The following DLGAP2 variants were observed in gnomAD, a reference collection of about 807,000 sequenced individuals.
DLGAP2 encodes the protein disks large-associated protein 2.
Under a neutral mutation model 100.3 loss-of-function variants are expected in DLGAP2, and 26 were observed. That is an observed-to-expected ratio of 0.26 (90% CI 0.19 to 0.36). The LOEUF (loss-of-function observed/expected upper bound fraction) is 0.36, where lower values mean the gene tolerates loss of function less well. Among genes scored for constraint, DLGAP2 ranks in the 10% least tolerant of loss-of-function variants. DLGAP2 has a pLI of 1.00. For synonymous variants in DLGAP2, 886 were observed against 630.1 expected (o/e 1.41, Z -6.08); for missense variants, 1,858 against 1,453.2 (o/e 1.28, Z -4.53).
At chr8:900,620 C>T (rs374210088) in intron 1 of DLGAP2, among the ~76,000 whole-genome samples, 15 of 152,188 alleles carry the variant, frequency 9.9e-5, no homozygotes, top group African/African-American at 3.6e-4. Context: ...GGCTCCTGCC[C>T]CATCCCATGT....
intron 2 of DLGAP2, among the ~76,000 whole-genome samples, chr8:1,198,761 C>A (rs1302860086): frequency 1.3e-5 from 2 of 152,248 alleles, no homozygotes; most frequent in African/African-American, 4.8e-5. Context: ...CAAGACCACA[C>A]CTGAACGATG....
chr8:804,013 G>A (rs1270307678), intron 1 of DLGAP2, among the ~76,000 whole-genome samples: 2 of 152,124 alleles, frequency 1.3e-5, no homozygotes, highest in African/African-American at 4.8e-5. Context: ...GGGTTGGCGG[G>A]GGGTGTGGAT....
chr8:1,194,976 C>A (rs539512010), intron 2 of DLGAP2, among the ~76,000 whole-genome samples: 1 of 152,158 alleles, frequency 6.6e-6, no homozygotes, highest in African/African-American at 2.4e-5. Flanking sequence ...GGCTGCACCC[C>A]CTCCGCTCTC....
chr8:1,042,505 G>A (rs1040642791), intron 2 of DLGAP2, among the ~76,000 whole-genome samples: 10 of 152,202 alleles, frequency 6.6e-5, no homozygotes, highest in Non-Finnish European at 1.0e-4. Flanking sequence ...TGAGATGTGT[G>A]TGGAAAATGG....
In DLGAP2 at chr8:1,672,278, G is replaced by T. The variant is rs71518084; in HGVS notation, c.2202+2494G>T. On this transcript the variant is annotated intron_variant, in intron 10 of 14. Transcript: ENST00000637795. ...GTCTCACTCTGTTGCCCAGGCTGAA[G>T]TGCGTGGCACGATCTCAGGTCACTG... is the stretch of plus-strand genomic sequence containing the variant. Among the ~76,000 whole-genome samples, 761 of 147,194 alleles carry T rather than the reference G, an allele frequency of 5.2e-3. 4 individuals are homozygous for T. The highest frequency in any genetic ancestry group is 8.8e-3 in the Non-Finnish European group (596 of 67,468).
chr8:1,174,805 A>G (rs1045981261), intron 2 of DLGAP2, among the ~76,000 whole-genome samples: 1 of 152,130 alleles, frequency 6.6e-6, no homozygotes, highest in Non-Finnish European at 1.5e-5. Context: ...CACTACCTCC[A>G]TCATTACCAT....
intron 1 of DLGAP2, among the ~76,000 whole-genome samples, chr8:801,902 G>A (rs1472657317): frequency 8.2e-6 from 1 of 121,562 alleles, no homozygotes; most frequent in African/African-American, 2.9e-5. Flanking sequence ...CAAGCTCACT[G>A]TCATAGTGTA....
At chr8:1,210,720 C>T (rs1394474123) in intron 2 of DLGAP2, among the ~76,000 whole-genome samples, 1 of 151,918 alleles carries the variant, frequency 6.6e-6, no homozygotes, top group Non-Finnish European at 1.5e-5. Flanking sequence ...CATAACTGAC[C>T]CCCCACCCCC....
intron 3 of DLGAP2, among the ~76,000 whole-genome samples, chr8:1,456,100 C>A (rs1180443124): frequency 1.3e-5 from 2 of 152,200 alleles, no homozygotes; most frequent in African/African-American, 4.8e-5. Flanking sequence ...TTCGATGGAT[C>A]AAAGCTTGAC....
At chr8:747,160 A>G (rs868094413) in intron 1 of DLGAP2, among the ~76,000 whole-genome samples, 1 of 151,628 alleles carries the variant, frequency 6.6e-6, no homozygotes, top group East Asian at 2.0e-4. Context: ...CTAGAGTGTG[A>G]GGGGCTGCCG....
intron 2 of DLGAP2, among the ~76,000 whole-genome samples, chr8:1,174,236 T>G (rs1797200499): frequency 6.6e-6 from 1 of 152,044 alleles, no homozygotes; most frequent in South Asian, 2.1e-4. Flanking sequence ...CTGCAGGGAA[T>G]GTGATAAGTC....
At chr8:768,079 C>T (rs923432058) in intron 1 of DLGAP2, among the ~76,000 whole-genome samples, 2 of 152,162 alleles carry the variant, frequency 1.3e-5, no homozygotes, top group African/African-American at 2.4e-5. Context: ...CCCCACTTCC[C>T]GTGGGCTTTG....
At chr8:1,455,738 C>A (rs867674751) in intron 3 of DLGAP2, among the ~76,000 whole-genome samples, 1 of 152,200 alleles carries the variant, frequency 6.6e-6, no homozygotes. Flanking sequence ...TCGCATCCTC[C>A]AGAGGCACTT....
intron 2 of DLGAP2, among the ~76,000 whole-genome samples, chr8:1,055,231 G>A (rs1337255800): frequency 6.6e-6 from 1 of 152,198 alleles, no homozygotes; most frequent in Non-Finnish European, 1.5e-5. Context: ...AAGCGCTTTT[G>A]CTGGTGGTTT....
At chr8:1,604,323 A>G (rs949643394) in intron 6 of DLGAP2, among the ~76,000 whole-genome samples, 1 of 152,208 alleles carries the variant, frequency 6.6e-6, no homozygotes, top group Admixed American at 6.5e-5. Flanking sequence ...TGATTTGCAA[A>G]TGAAATGGAC....
At chr8:880,624 C>G (rs1797770587) in intron 1 of DLGAP2, among the ~76,000 whole-genome samples, 1 of 146,938 alleles carries the variant, frequency 6.8e-6, no homozygotes, top group Non-Finnish European at 1.5e-5. Flanking sequence ...CCTCTCCAGC[C>G]CTTGCCTGCG....
At chr8:1,251,219 T>C (rs1799032997) in intron 2 of DLGAP2, among the ~76,000 whole-genome samples, 2 of 152,200 alleles carry the variant, frequency 1.3e-5, no homozygotes, top group Non-Finnish European at 2.9e-5. Flanking sequence ...TACTTAGCAT[T>C]TATAAATATA....
chr8:1,304,445 C>T (rs546228441), intron 3 of DLGAP2, among the ~76,000 whole-genome samples: 157 of 152,228 alleles, frequency 1.0e-3, no homozygotes, highest in Non-Finnish European at 1.7e-3. Context: ...AATGACAACC[C>T]ACATGTACCA....
At chr8:1,412,344 G>T (rs561069853) in intron 3 of DLGAP2, among the ~76,000 whole-genome samples, 4 of 152,042 alleles carry the variant, frequency 2.6e-5, no homozygotes, top group Non-Finnish European at 4.4e-5. Flanking sequence ...CCTGTCTCCC[G>T]GGCTCTTTCT....
Sources: gnomAD v4.1 joint callset for allele counts (sites outside exome capture counted in the v4.1 genomes callset) on GRCh38, gnomAD v4.1.1 for gene constraint, MANE v1.5 for transcripts, NCBI Gene and HGNC (gene_info 2026-07-23, HGNC 2026-07-21) for gene names.